Variants in GPM6A observed in about 807,000 individuals in gnomAD.
GPM6A encodes the protein neuronal membrane glycoprotein M6-a.
A neutral mutation model predicts 32.1 loss-of-function variants in GPM6A; 7 were observed. That is an observed-to-expected ratio of 0.22 (90% CI 0.12 to 0.41). The LOEUF (loss-of-function observed/expected upper bound fraction) is 0.41. Ranked by LOEUF, GPM6A falls within the 10% of genes least tolerant of loss-of-function variation. The pLI, the probability that GPM6A is intolerant of heterozygous loss-of-function variation, is 1.00. For synonymous variants in GPM6A, 130 were observed against 123.4 expected (o/e 1.05, Z -0.35); for missense variants, 235 against 347.2 (o/e 0.68, Z 2.57).
chr4:175,994,864 G>GCTTTATCAACTAA (rs1470059887), intron 1 of GPM6A, among the ~76,000 whole-genome samples: 1 of 152,154 alleles, frequency 6.6e-6, no homozygotes, highest in African/African-American at 2.4e-5. Context: ...TCCTACCGCT[G>GCTTTATCAACTAA]CTTTATCAAC....
intron 1 of GPM6A, among the ~76,000 whole-genome samples, chr4:175,804,199 T>C (rs1218046883): frequency 2.0e-5 from 3 of 152,316 alleles, no homozygotes; most frequent in African/African-American, 7.2e-5. Context: ...TATTGAAATA[T>C]TGAAAGGTGT....
intron 1 of GPM6A, among the ~76,000 whole-genome samples, chr4:175,712,278 C>T (rs533130482): frequency 1.3e-5 from 2 of 152,288 alleles, no homozygotes; most frequent in East Asian, 1.9e-4. Context: ...GGCTGAATTC[C>T]TCCCTTCCTG....
At chr4:175,906,205 G>C (rs1043728982) in intron 1 of GPM6A, among the ~76,000 whole-genome samples, 2 of 152,080 alleles carry the variant, frequency 1.3e-5, no homozygotes, top group African/African-American at 4.8e-5. Flanking sequence ...GAAGTAGTGG[G>C]TGAAAGATAG....
intron 3 of GPM6A, among the ~76,000 whole-genome samples, chr4:175,662,749 A>G (rs1742502938): frequency 6.6e-6 from 1 of 152,162 alleles, no homozygotes; most frequent in African/African-American, 2.4e-5. Context: ...ATAGATATAG[A>G]TATATGGATA....
chr4:175,742,413 C>G (rs1731923766), intron 1 of GPM6A, among the ~76,000 whole-genome samples: 2 of 152,098 alleles, frequency 1.3e-5, no homozygotes. Context: ...CAGAATAGAG[C>G]AATAATACAT....
intron 1 of GPM6A, among the ~76,000 whole-genome samples, chr4:175,772,537 G>A (rs1179960578): frequency 5.9e-5 from 9 of 152,132 alleles, no homozygotes. Flanking sequence ...TCCCTTTTTA[G>A]ACTGGGAAAC....
chr4:175,841,237 T>C (rs574515302), intron 1 of GPM6A, among the ~76,000 whole-genome samples: 2 of 152,334 alleles, frequency 1.3e-5, no homozygotes, highest in East Asian at 1.9e-4. Flanking sequence ...ATTGTATTTA[T>C]ATAATTAACA....
At chr4:175,904,455 T>G (rs1270470597) in intron 1 of GPM6A, among the ~76,000 whole-genome samples, 1 of 152,114 alleles carries the variant, frequency 6.6e-6, no homozygotes, top group Non-Finnish European at 1.5e-5. Context: ...CACATATATA[T>G]ACACACACAT....
At chr4:175,896,847 G>A (rs566068886) in intron 1 of GPM6A, among the ~76,000 whole-genome samples, 2 of 152,252 alleles carry the variant, frequency 1.3e-5, no homozygotes, top group East Asian at 3.9e-4. Context: ...ATGTTTGACA[G>A]GACTTTTGGT....
At chr4:175,692,821 C>A (rs1469502427) in intron 2 of GPM6A, among the ~76,000 whole-genome samples, 1 of 151,908 alleles carries the variant, frequency 6.6e-6, no homozygotes, top group African/African-American at 2.4e-5. Flanking sequence ...TTTTAATGCA[C>A]CTGAAAAATT....
intron 1 of GPM6A, among the ~76,000 whole-genome samples, chr4:175,786,703 G>A (rs1238199509): frequency 1.3e-5 from 2 of 151,944 alleles, no homozygotes; most frequent in Non-Finnish European, 2.9e-5. Context: ...GTTCCCTTGA[G>A]TCAGTTGCAC....
intron 1 of GPM6A, among the ~76,000 whole-genome samples, chr4:175,981,193 A>C (rs1579683849): frequency 6.6e-6 from 1 of 152,300 alleles, no homozygotes; most frequent in South Asian, 2.1e-4. Context: ...ATAATTAACA[A>C]AAATGACCTA....
intron 1 of GPM6A, among the ~76,000 whole-genome samples, chr4:175,704,205 C>T (rs1194885217): frequency 6.6e-6 from 1 of 151,962 alleles, no homozygotes; most frequent in African/African-American, 2.4e-5. Flanking sequence ...TCCCATCTGC[C>T]CCAGAGGAGG....
intron 1 of GPM6A, among the ~76,000 whole-genome samples, chr4:175,995,249 G>A (rs1400612129): frequency 6.6e-6 from 1 of 151,934 alleles, no homozygotes; most frequent in Non-Finnish European, 1.5e-5. Context: ...TTTCCAGAAG[G>A]TTTTCAATTG....
At chr4:175,872,029 GT>G (rs968601543) in intron 1 of GPM6A, among the ~76,000 whole-genome samples, 2 of 151,858 alleles carry the variant, frequency 1.3e-5, no homozygotes, top group East Asian at 1.9e-4. Context: ...TCTCTCTATG[GT>G]TTTTTTCTTT....
Position 175,788,354 on chromosome 4 carries a change from A to G in GPM6A, c.37+23837T>C, listed in dbSNP as rs1733882034. ...AGAGATACATGTATTTTCAATCCTGAAATCAAGGAAAACAGTCAGTTGTTT... is the reference window on the plus strand; with the variant it reads ...AGAGATACATGTATTTTCAATCCTGGAATCAAGGAAAACAGTCAGTTGTTT... On this transcript the variant is annotated intron_variant, in intron 1 of 6. Transcript: ENST00000393658. 2.6e-5 allele frequency among the ~76,000 whole-genome samples: 4 copies of G among 152,332 alleles called. 1 individual carries two copies. In the South Asian group the frequency reaches 8.3e-4, roughly 32 times the overall value.
chr4:175,804,714 G>A (rs994895210), intron 1 of GPM6A, among the ~76,000 whole-genome samples: 3 of 151,936 alleles, frequency 2.0e-5, no homozygotes, highest in South Asian at 2.1e-4. Flanking sequence ...GTTCAATAAC[G>A]AAACTGAACA....
intron 1 of GPM6A, among the ~76,000 whole-genome samples, chr4:175,914,470 A>T (rs1175087956): frequency 1.3e-5 from 2 of 152,038 alleles, no homozygotes; most frequent in Admixed American, 6.5e-5. Context: ...CTACCGGCAC[A>T]TGCCACCACG....
At chr4:175,886,364 T>C (rs1737455184) in intron 1 of GPM6A, among the ~76,000 whole-genome samples, 1 of 152,152 alleles carries the variant, frequency 6.6e-6, no homozygotes, top group African/African-American at 2.4e-5. Flanking sequence ...GTCTGTAAAA[T>C]GTTGGGAGAA....
Sources: allele counts gnomAD v4.1 joint callset (sites outside exome capture counted in the v4.1 genomes callset), GRCh38; gene constraint gnomAD v4.1.1; transcripts MANE v1.5; gene names NCBI Gene and HGNC (gene_info 2026-07-23, HGNC 2026-07-21).